WDPCP: variants seen among roughly 807,000 people sequenced by gnomAD.
WDPCP encodes WD repeat-containing and planar cell polarity effector protein fritz homolog.
Under a neutral mutation model 93.1 loss-of-function variants are expected in WDPCP, and 71 were observed. That is an observed-to-expected ratio of 0.76 (90% CI 0.63 to 0.93). The LOEUF is 0.93. Among genes scored for constraint, WDPCP ranks in the 40% least tolerant of loss-of-function variants. The pLI is 0.00. For missense variants in WDPCP, 844 were observed against 887.4 expected, an observed-to-expected ratio of 0.95 and a Z score of 0.62; for synonymous variants, 315 against 315.0, an observed-to-expected ratio of 1.00 and a Z score of 0.00.
intron 13 of WDPCP, 116 bp from the exon 14 acceptor site, chr2:63,259,525 ATTCTT>A (rs1681437585): frequency 1.1e-6 from 1 of 879,684 alleles, no homozygotes; most frequent in Non-Finnish European, 1.8e-6. Flanking sequence ...GTTTGTAAAT[ATTCTT>A]TTCTGTGTTT....
chr2:63,375,385 T>A (rs1386057632), intron 12 of WDPCP, among the ~76,000 whole-genome samples: 2 of 151,952 alleles, frequency 1.3e-5, no homozygotes, highest in Admixed American at 6.6e-5. Flanking sequence ...ATTTTATAAA[T>A]TAGATTCTAT....
At chr2:63,655,934 A>C (rs1710161460) in intron 2 of WDPCP, among the ~76,000 whole-genome samples, 1 of 152,212 alleles carries the variant, frequency 6.6e-6, no homozygotes, top group Non-Finnish European at 1.5e-5. Context: ...TATACATCAA[A>C]TCACATGGTG....
chr2:63,413,465 A>G (rs2105285419), intron 9 of WDPCP, among the ~76,000 whole-genome samples: 1 of 152,322 alleles, frequency 6.6e-6, no homozygotes, highest in Middle Eastern at 3.4e-3. Context: ...GGCTTAGGCA[A>G]GGATTTCATG....
rs867852400 is a variant in WDPCP, at chr2:63,784,264, G to A, written n.308+29358C>T. ...TATCATCAAGAAGGTCCCAGGAAAGGACCTCTGAAGCAGTTAGAAGGGCAT... is the reference window on the plus strand; with the variant it reads ...TATCATCAAGAAGGTCCCAGGAAAGAACCTCTGAAGCAGTTAGAAGGGCAT... On this transcript the variant is annotated intron_variant and non_coding_transcript_variant, in intron 2 of 4. Transcript: ENST00000467687. Among the ~76,000 whole-genome samples the A allele has an allele frequency of 2.0e-5, 3 of 152,230 alleles. No homozygotes were observed. The Middle Eastern group carries it at 0.01, about 518-fold the overall frequency.
chr2:63,197,505 T>C (rs1444072213), intron 14 of WDPCP, among the ~76,000 whole-genome samples: 3 of 152,170 alleles, frequency 2.0e-5, no homozygotes, highest in African/African-American at 7.2e-5. Flanking sequence ...AATTTGGCAG[T>C]ATTAATAAGA....
Position 63,412,182 on chromosome 2 carries a change from T to C in WDPCP, c.826-7525A>G, listed in dbSNP as rs148737640. Among the ~76,000 whole-genome samples, 156 of 152,292 alleles carry C rather than the reference T, an allele frequency of 1.0e-3. No individual in the cohort carries two copies. In the Middle Eastern group the frequency reaches 0.017, roughly 17 times the overall value. ...AGCATATCGAAAAGGTAATCCACCATGATCAAGTGGGTTTCATACCAGGGA... is the reference window on the plus strand; with the variant it reads ...AGCATATCGAAAAGGTAATCCACCACGATCAAGTGGGTTTCATACCAGGGA... On this transcript the variant is annotated intron_variant, in intron 9 of 17. Coordinates refer to ENST00000272321, the MANE Select transcript of WDPCP (RefSeq NM_015910.7).
chr2:63,791,663 A>T (rs988847492), intron 2 of WDPCP, among the ~76,000 whole-genome samples: 1 of 152,136 alleles, frequency 6.6e-6, no homozygotes, highest in South Asian at 2.1e-4. Context: ...CCTGAAGGCC[A>T]TCAGACCAGA....
intron 2 of WDPCP, among the ~76,000 whole-genome samples, chr2:63,732,929 T>C (rs1669581874): frequency 6.6e-6 from 1 of 152,028 alleles, no homozygotes; most frequent in South Asian, 2.1e-4. Context: ...GTCAGGAGAA[T>C]TGGACATACA....
rs77966066 is a variant in WDPCP at position 63,396,082 on chromosome 2, A to G, written c.1435+7966T>C. ...TTACTTATGTAAATTATACCTCAAT[A>G]AACTTGATTTTTAAAATTCATCATC... On this transcript the variant is annotated intron_variant, in intron 10 of 17. Coordinates refer to ENST00000272321, the MANE Select transcript of WDPCP (RefSeq NM_015910.7). 1.7e-3 allele frequency among the ~76,000 whole-genome samples: 255 copies of G among 152,286 alleles called. 9 individuals are homozygous for G. In the East Asian group the frequency reaches 0.046, roughly 27 times the overall value.
At chr2:63,733,563 CAA>C (rs567049291) in intron 2 of WDPCP, among the ~76,000 whole-genome samples, 2 of 152,246 alleles carry the variant, frequency 1.3e-5, no homozygotes, top group South Asian at 2.1e-4. Flanking sequence ...ACAGTCCAGG[CAA>C]AGAGGGCAGA....
At chr2:63,450,922 A>G (rs1018207643) in intron 6 of WDPCP, among the ~76,000 whole-genome samples, 1 of 152,208 alleles carries the variant, frequency 6.6e-6, no homozygotes, top group African/African-American at 2.4e-5. Context: ...TCAATGTAAG[A>G]GCACGGGAAG....
At chr2:63,789,296 T>C (rs901986157) in intron 2 of WDPCP, among the ~76,000 whole-genome samples, 2 of 152,162 alleles carry the variant, frequency 1.3e-5, no homozygotes, top group Non-Finnish European at 2.9e-5. Flanking sequence ...CCAATTTTGG[T>C]CTGCAATTAA....
chr2:63,447,109 T>G (rs1697917535), intron 6 of WDPCP, among the ~76,000 whole-genome samples: 1 of 151,814 alleles, frequency 6.6e-6, no homozygotes, highest in Non-Finnish European at 1.5e-5. Flanking sequence ...TTGTTGAAGG[T>G]GGGGGGAGGC....
intron 17 of WDPCP, among the ~76,000 whole-genome samples, chr2:63,142,835 TGTG>T (rs1406111006): frequency 6.6e-6 from 1 of 151,676 alleles, no homozygotes; most frequent in East Asian, 1.9e-4. Context: ...TGTGTGTGTG[TGTG>T]TGTGTGTGTG....
intron 2 of WDPCP, among the ~76,000 whole-genome samples, chr2:63,783,248 CA>C (rs555079464): frequency 1.4e-3 from 194 of 140,182 alleles, no homozygotes; most frequent in South Asian, 2.2e-3. Context: ...TCTGTCTCTA[CA>C]AAAAAAAAAA....
intron 3 of WDPCP, among the ~76,000 whole-genome samples, chr2:63,605,561 C>T (rs887218710): frequency 1.3e-5 from 2 of 152,208 alleles, no homozygotes; most frequent in Non-Finnish European, 2.9e-5. Flanking sequence ...CCTTTCTGAG[C>T]TGTTTTGTCA....
intron 1 of WDPCP, among the ~76,000 whole-genome samples, chr2:63,525,283 A>G (rs1423890874): frequency 3.9e-5 from 6 of 152,080 alleles, no homozygotes; most frequent in African/African-American, 1.4e-4. Flanking sequence ...CAGAAAACCT[A>G]CCTATTGGGT....
At chr2:63,502,132 G>C (rs1701598669) in intron 1 of WDPCP, among the ~76,000 whole-genome samples, 1 of 152,002 alleles carries the variant, frequency 6.6e-6, no homozygotes. Context: ...ATACTGACTT[G>C]TTCATTTTGT....
chr2:63,816,734 C>G (rs1046844516), intron 1 of WDPCP, among the ~76,000 whole-genome samples: 1 of 152,110 alleles, frequency 6.6e-6, no homozygotes, highest in African/African-American at 2.4e-5. Flanking sequence ...CCCTAGGAAA[C>G]TAATACAGGG....
Sources: gnomAD v4.1 joint callset for allele counts (sites outside exome capture counted in the v4.1 genomes callset) on GRCh38, gnomAD v4.1.1 for gene constraint, MANE v1.5 for transcripts, NCBI Gene and HGNC (gene_info 2026-07-23, HGNC 2026-07-21) for gene names.